The following MAGI2 variants were observed in gnomAD, a reference collection of about 807,000 sequenced individuals.
MAGI2 encodes the protein membrane-associated guanylate kinase, WW and PDZ domain-containing protein 2.
MAGI2 carries 35 observed loss-of-function variants against 133.3 expected under a neutral mutation model. That is an observed-to-expected ratio of 0.26 (90% confidence interval 0.20 to 0.35). The LOEUF (loss-of-function observed/expected upper bound fraction) is 0.35. Among genes scored for constraint, MAGI2 ranks in the 10% least tolerant of loss-of-function variants. The probability of loss-of-function intolerance (pLI) is 1.00; values close to 1 mark genes in which losing one functional copy is unlikely to be tolerated. For synonymous variants in MAGI2, 729 were observed against 710.6 expected, an observed-to-expected ratio of 1.03 and a Z score of -0.41; for missense variants, 1,636 against 1,863.4, an observed-to-expected ratio of 0.88 and a Z score of 2.25.
At chr7:79,035,192 G>A (rs1322313730) in intron 1 of MAGI2, among the ~76,000 whole-genome samples, 1 of 58,306 alleles carries the variant, frequency 1.7e-5, no homozygotes, top group Non-Finnish European at 3.1e-5. Context: ...AAAAAAAAGT[G>A]TGTGTGTGTG....
chr7:78,743,650 A>T lies in MAGI2; in HGVS notation c.419-116411T>A, dbSNP rs573880108. Among the ~76,000 whole-genome samples the T allele has an allele frequency of 1.4e-4, 21 of 152,322 alleles. No homozygotes were observed. The East Asian group carries it at 4.1e-3, about 29-fold the overall frequency. On this transcript the variant is annotated intron_variant, in intron 2 of 21. Transcript: ENST00000354212. ...ATATAATATCTGTCACATACTAAGCATAAATCCATATTTGTTAAATGAAAA... is the reference window on the plus strand; with the variant it reads ...ATATAATATCTGTCACATACTAAGCTTAAATCCATATTTGTTAAATGAAAA...
intron 1 of MAGI2, among the ~76,000 whole-genome samples, chr7:79,443,693 A>G (rs992450256): frequency 3.3e-5 from 5 of 152,218 alleles, no homozygotes; most frequent in African/African-American, 1.2e-4. Context: ...GTGATCTATT[A>G]AGTGACAATG....
intron 1 of MAGI2, among the ~76,000 whole-genome samples, chr7:79,441,222 A>C (rs940110683): frequency 1.3e-5 from 2 of 152,202 alleles, no homozygotes; most frequent in African/African-American, 4.8e-5. Flanking sequence ...GATACTAAGA[A>C]AGTTGGGGAG....
At chr7:78,282,017 A>G (rs916870940) in intron 9 of MAGI2, among the ~76,000 whole-genome samples, 1 of 130,760 alleles carries the variant, frequency 7.6e-6, no homozygotes, top group African/African-American at 3.1e-5. Context: ...ATCAGAAAAC[A>G]TGTTTCTAAT....
At chr7:78,461,950 A>G (rs1414851582) in intron 6 of MAGI2, among the ~76,000 whole-genome samples, 1 of 149,576 alleles carries the variant, frequency 6.7e-6, no homozygotes, top group Non-Finnish European at 1.5e-5. Context: ...AAAAAAAAGA[A>G]AGAAAGAAAC....
rs555323236 is a variant in MAGI2, at chr7:78,221,524, G to A, written c.2048-20331C>T. Among the ~76,000 whole-genome samples, 22 of 152,242 alleles carry A rather than the reference G, an allele frequency of 1.4e-4. No homozygotes were observed. The South Asian group carries it at 4.4e-3, about 30-fold the overall frequency. On this transcript the variant is annotated intron_variant, in intron 10 of 21. Coordinates refer to ENST00000354212, the MANE Select transcript of MAGI2 (RefSeq NM_012301.4). Reference sequence around the variant, plus strand: ...GAGTGGCCAAAACTATGACCAAAAGGTGAAGAACAGAGTAAAAGTACAGAC... The same window carrying A: ...GAGTGGCCAAAACTATGACCAAAAGATGAAGAACAGAGTAAAAGTACAGAC...
intron 9 of MAGI2, among the ~76,000 whole-genome samples, chr7:78,287,023 G>A (rs1368308973): frequency 6.6e-6 from 1 of 152,136 alleles, no homozygotes; most frequent in Admixed American, 6.6e-5. Flanking sequence ...TGTATTCCAG[G>A]CTAAGGAATT....
At chr7:79,061,549 T>C (rs905116639) in intron 1 of MAGI2, among the ~76,000 whole-genome samples, 1 of 152,060 alleles carries the variant, frequency 6.6e-6, no homozygotes, top group African/African-American at 2.4e-5. Context: ...TCTGAAGTTT[T>C]TTTTGAGGCA....
chr7:78,983,372 TA>T (rs953634798), intron 2 of MAGI2, among the ~76,000 whole-genome samples: 3 of 152,138 alleles, frequency 2.0e-5, no homozygotes, highest in Admixed American at 6.6e-5. Flanking sequence ...ACTCATGTCA[TA>T]TTTTTTTTAA....
intron 2 of MAGI2, among the ~76,000 whole-genome samples, chr7:78,976,434 C>G (rs796734178): frequency 1.3e-5 from 2 of 150,052 alleles, no homozygotes; most frequent in Admixed American, 6.6e-5. Flanking sequence ...TAGCTTGGTA[C>G]AGAACATCCA....
chr7:78,357,975 A>T (rs1792269053), intron 7 of MAGI2, among the ~76,000 whole-genome samples: 2 of 150,940 alleles, frequency 1.3e-5, no homozygotes, highest in African/African-American at 4.9e-5. Context: ...AGTAATAAAT[A>T]ATGTTTAATG....
chr7:79,234,858 A>G (rs936116699), intron 1 of MAGI2, among the ~76,000 whole-genome samples: 29 of 151,552 alleles, frequency 1.9e-4, no homozygotes, highest in African/African-American at 6.5e-4. Context: ...CCTTTGGAGG[A>G]GGAGAGGCGC....
At chr7:78,761,548 C>A (rs773679792) in intron 2 of MAGI2, among the ~76,000 whole-genome samples, 4 of 151,634 alleles carry the variant, frequency 2.6e-5, no homozygotes, top group Non-Finnish European at 4.4e-5. Flanking sequence ...TCACTGCAAC[C>A]TCTGCCTCCT....
chr7:78,556,313 T>C (rs1799818537), intron 3 of MAGI2, among the ~76,000 whole-genome samples: 1 of 152,212 alleles, frequency 6.6e-6, no homozygotes, highest in Non-Finnish European at 1.5e-5. Context: ...CAGGGCCATG[T>C]GCACTTTGCT....
chr7:78,141,252 C>T (rs1241051466), intron 16 of MAGI2, among the ~76,000 whole-genome samples: 2 of 152,070 alleles, frequency 1.3e-5, no homozygotes, highest in South Asian at 2.1e-4. Context: ...AGGAATGATG[C>T]GAGATTGTCA....
intron 14 of MAGI2, among the ~76,000 whole-genome samples, chr7:78,171,882 T>G (rs1826139760): frequency 2.7e-5 from 3 of 110,998 alleles, no homozygotes; most frequent in Admixed American, 9.9e-5. Context: ...TGGAGGAGGG[T>G]TTTTTTGTTT....
chr7:78,586,522 T>A (rs1803432969), intron 3 of MAGI2, among the ~76,000 whole-genome samples: 1 of 152,208 alleles, frequency 6.6e-6, no homozygotes, highest in Non-Finnish European at 1.5e-5. Flanking sequence ...ACTAACACAA[T>A]CTGTTATGTT....
At chr7:78,608,062 G>C (rs1435848796) in intron 3 of MAGI2, among the ~76,000 whole-genome samples, 1 of 152,154 alleles carries the variant, frequency 6.6e-6, no homozygotes, top group Non-Finnish European at 1.5e-5. Context: ...TTAATTTCCT[G>C]TTTCAGCTAT....
chr7:78,241,933 C>CAA (rs57321733), intron 10 of MAGI2, among the ~76,000 whole-genome samples: 14 of 130,480 alleles, frequency 1.1e-4, no homozygotes, highest in African/African-American at 3.4e-4. Flanking sequence ...GAACCCGTCT[C>CAA]AAAAAAAAAA....
Sources: gnomAD v4.1 joint callset for allele counts (sites outside exome capture counted in the v4.1 genomes callset) on GRCh38, gnomAD v4.1.1 for gene constraint, MANE v1.5 for transcripts, NCBI Gene and HGNC (gene_info 2026-07-23, HGNC 2026-07-21) for gene names.